Variants in SLC9A3 observed in about 807,000 individuals in gnomAD.
SLC9A3 encodes the protein solute carrier family 9 member A3.
Under a neutral mutation model 86.8 loss-of-function variants are expected in SLC9A3, and 37 were observed. The observed-to-expected ratio is 0.43, with a 90% CI of 0.33 to 0.56. The LOEUF (loss-of-function observed/expected upper bound fraction) is 0.56. SLC9A3 is among the 20% of genes least tolerant of loss of function. SLC9A3 has a pLI of 0.06. For missense variants in SLC9A3, 1,011 were observed against 1,171.9 expected (o/e 0.86, Z 2.00); for synonymous variants, 581 against 528.3 (o/e 1.10, Z -1.37).
rs532567715 is a variant in SLC9A3 at position 499,627 on chromosome 5, T to A, written c.212-7556A>T. Among the ~76,000 whole-genome samples the A allele has an allele frequency of 5.3e-5, 8 of 152,318 alleles. No individual in the cohort carries two copies. The South Asian group carries it at 1.7e-3, about 32-fold the overall frequency. ...CTTCCTGTGCCCTCTGTCCGCCATCTCCAGACACCGCCCAGTGCCTGATGC... is the reference window on the plus strand; with the variant it reads ...CTTCCTGTGCCCTCTGTCCGCCATCACCAGACACCGCCCAGTGCCTGATGC... On this transcript the variant is annotated intron_variant, in intron 1 of 16. Coordinates refer to ENST00000264938, the MANE Select transcript of SLC9A3 (RefSeq NM_004174.4).
intron 1 of SLC9A3, among the ~76,000 whole-genome samples, chr5:507,915 C>T (rs1223848405): frequency 1.6e-5 from 2 of 124,528 alleles, no homozygotes; most frequent in Non-Finnish European, 3.4e-5. Context: ...CGCCCGAATC[C>T]CCACCCCACA....
intron 1 of SLC9A3, among the ~76,000 whole-genome samples, chr5:499,730 G>C (rs933169606): frequency 6.6e-6 from 1 of 152,210 alleles, no homozygotes; most frequent in Non-Finnish European, 1.5e-5. Flanking sequence ...GCTCTAGAAC[G>C]GGAGGGAGGT....
chr5:507,369 G>GAT (rs397963147), intron 1 of SLC9A3, among the ~76,000 whole-genome samples: 236 of 5,852 alleles, frequency 0.04, no homozygotes, highest in Non-Finnish European at 0.069. Flanking sequence ...GGGTTTCACC[G>GAT]TTTTTTTTTT....
rs536177198 is a variant in SLC9A3, at chr5:471,866, C to T, written c.*1513G>A. 30 of 456,652 alleles carry T rather than the reference C, an allele frequency of 6.6e-5. No homozygotes were observed. Among genetic ancestry groups the T allele is most frequent in the African/African-American group, 5.8e-4 (29 of 50,210 alleles). 28.3% of individuals were successfully genotyped at this position (456,652 alleles called of 1,614,324 possible). ...AAAGCTATCAATGGGAAATTGTGGACTTTTCCCACCAGGGACTCAATGGGG... is the reference window on the plus strand; with the variant it reads ...AAAGCTATCAATGGGAAATTGTGGATTTTTCCCACCAGGGACTCAATGGGG... On this transcript the variant is annotated 3_prime_UTR_variant, in exon 17 of 17. Transcript: ENST00000264938.
chr5:510,103 C>G (rs919372533), intron 1 of SLC9A3, among the ~76,000 whole-genome samples: 9 of 152,246 alleles, frequency 5.9e-5, no homozygotes, highest in African/African-American at 1.9e-4. Flanking sequence ...GCATTGGAAG[C>G]AGGAGGATCC....
intron 1 of SLC9A3, among the ~76,000 whole-genome samples, chr5:515,037 G>A (rs1340448545): frequency 6.6e-6 from 1 of 152,144 alleles, no homozygotes; most frequent in Admixed American, 6.5e-5. Context: ...CGCCCTCCAG[G>A]GACCAGGAGC....
chr5:493,179 T>C (rs1739872993), intron 1 of SLC9A3, among the ~76,000 whole-genome samples: 1 of 152,080 alleles, frequency 6.6e-6, no homozygotes, highest in Admixed American at 6.5e-5. Context: ...GCGGGAAGCC[T>C]GACAAATGAG....
Position 483,482 on chromosome 5 carries a change from G to A in SLC9A3, c.933C>T (p.Ala311=), listed in dbSNP as rs759306960. The A allele has an allele frequency of 1.7e-5, 27 of 1,568,824 alleles. No individual in the cohort carries two copies. In the South Asian group the frequency reaches 2.8e-4, roughly 16 times the overall value. Residue 311 remains alanine (A), a splice_region_variant and synonymous_variant, in exon 6 of 17, where the codon GCC becomes GCT. Transcript: ENST00000264938. ...GACAGCAGATGCCACAGAAGGTGAT[G>A]CTGCAGGGACAGACGCGCCTCAGGA... ...SEMLSLSAIL[A]ITFCGICCQK... is the part of the protein sequence containing the mutation.
chr5:491,940 A>C lies in SLC9A3; in HGVS notation c.343T>G (p.Phe115Val), dbSNP rs753749438. The change falls in exon 2 of 17, where the codon TTC (phenylalanine) becomes GTC (valine). Residue 115 changes from phenylalanine to valine, a missense_variant. Transcript: ENST00000264938. The surrounding 1 kb of genome is among the most constrained non-coding windows in gnomAD (Gnocchi z 9.2). The stretch of plus-strand genomic sequence containing the variant: ...ATGGGGGGCAGCAGGTAGAAGAAGA[A>C]GACGGTGGGCGTCAGTGTGAAGGAC... ...IASFTLTPTV[F>V]FFYLLPPIVL... is the part of the protein sequence containing the mutation. 1.3e-4 allele frequency: 207 copies of C among 1,610,998 alleles called. 2 individuals are homozygous for C. Among genetic ancestry groups the C allele is most frequent in the South Asian group, 6.4e-4 (58 of 90,762 alleles).
At chr5:474,415 A>C (rs1302429827) in intron 16 of SLC9A3, among the ~76,000 whole-genome samples, 1 of 52,736 alleles carries the variant, frequency 1.9e-5, no homozygotes, top group African/African-American at 8.0e-5. Flanking sequence ...AACCAGGTTC[A>C]GGTCCAGGGA....
intron 1 of SLC9A3, among the ~76,000 whole-genome samples, chr5:516,975 A>G (rs1240515746): frequency 2.6e-5 from 4 of 152,132 alleles, no homozygotes; most frequent in Non-Finnish European, 4.4e-5. Flanking sequence ...ACACATGGGA[A>G]GCCAATGTTT....
At chr5:513,625 C>T (rs903834846) in intron 1 of SLC9A3, among the ~76,000 whole-genome samples, 14 of 152,170 alleles carry the variant, frequency 9.2e-5, no homozygotes, top group African/African-American at 2.2e-4. Context: ...GATGCTGAGA[C>T]GGCCACGTCT....
At chr5:473,407 G>C in intron 16 of SLC9A3, 25 bp from the exon 17 acceptor site, 1 of 1,390,748 alleles carries the variant, frequency 7.2e-7, no homozygotes, top group South Asian at 1.6e-5. Context: ...GGCGTGAGCG[G>C]CGCGCGGAGC....
chr5:522,353 C>T (rs1309536232), intron 1 of SLC9A3, among the ~76,000 whole-genome samples: 3 of 152,202 alleles, frequency 2.0e-5, no homozygotes, highest in African/African-American at 4.8e-5. Context: ...CCTTATCTGC[C>T]GGCTCCCAGG....
chr5:482,713 G>T lies in SLC9A3; in HGVS notation c.1191C>A (p.Arg397=). 3.7e-6 allele frequency: 6 copies of T among 1,611,228 alleles called. No individual in the cohort carries two copies. The highest frequency in any genetic ancestry group is 5.1e-6 in the Non-Finnish European group (6 of 1,179,338). ...GGTCAATGGGCTCCAGCTGCACCAT[G>T]CGGTAGCGGTTCAGAAGCCAGGTCT... ...VLQTWLLNRY[R]MVQLEPIDQV... is the part of the protein sequence containing the mutation. The change falls in exon 7 of 17, where the codon CGC becomes CGA. Residue 397 remains arginine, a synonymous_variant. Coordinates refer to ENST00000264938, the MANE Select transcript of SLC9A3 (RefSeq NM_004174.4).
intron 1 of SLC9A3, among the ~76,000 whole-genome samples, chr5:520,598 G>A (rs1180873368): frequency 1.3e-5 from 2 of 152,138 alleles, no homozygotes. Context: ...AGTCGTCTGA[G>A]AACTCAGATC....
chr5:492,706 T>TC lies in SLC9A3; in HGVS notation c.212-636dup, dbSNP rs1579796678. Among the ~76,000 whole-genome samples, 3 of 151,872 alleles carry TC rather than the reference T, an allele frequency of 2.0e-5. No homozygotes were observed. In the East Asian group the frequency reaches 5.8e-4, roughly 29 times the overall value. On this transcript the variant is annotated intron_variant, in intron 1 of 16. Transcript: ENST00000264938. ...CGCCCCACCGCCCGGCTGGTTCTGG[T>TC]CCCCCGGACCCCCAACTCGCTCTGT...
chr5:489,014 G>A lies in SLC9A3; in HGVS notation c.515-538C>T, dbSNP rs530507330. ...CCATGTGGTCCCTAGCTCCCGGCCG[G>A]CTTCCCTCCCCGCATCTGCCTGTGG... On this transcript the variant is annotated intron_variant, in intron 2 of 16. Transcript: ENST00000264938. Among the ~76,000 whole-genome samples the A allele has an allele frequency of 3.9e-5, 6 of 152,302 alleles. No homozygotes were observed. In the South Asian group the frequency reaches 6.2e-4, roughly 16 times the overall value.
intron 1 of SLC9A3, among the ~76,000 whole-genome samples, chr5:494,570 T>A (rs556447551): frequency 6.6e-6 from 1 of 152,180 alleles, no homozygotes; most frequent in African/African-American, 2.4e-5. Context: ...GCCTCCTGAT[T>A]TTTTTAATAA....
Sources: gnomAD v4.1 joint callset for allele counts (sites outside exome capture counted in the v4.1 genomes callset) on GRCh38, gnomAD v4.1.1 for gene constraint, Gnocchi (gnomAD v3.1) non-coding constraint, MANE v1.5 for transcripts, NCBI Gene and HGNC (gene_info 2026-07-23, HGNC 2026-07-21) for gene names.